Variants in NAALADL2 observed in about 807,000 individuals in gnomAD.
The protein encoded by NAALADL2 is inactive N-acetylated-alpha-linked acidic dipeptidase-like protein 2.
Under a neutral mutation model 87.2 loss-of-function variants are expected in NAALADL2, and 76 were observed. That is an observed-to-expected ratio of 0.87 (90% CI 0.72 to 1.05). The LOEUF is 1.05. NAALADL2 is among the 50% of genes least tolerant of loss of function. NAALADL2 has a pLI of 0.00. For synonymous variants in NAALADL2, 354 were observed against 331.0 expected (o/e 1.07, Z -0.75); for missense variants, 1,089 against 945.8 (o/e 1.15, Z -1.99).
intron 2 of NAALADL2, among the ~76,000 whole-genome samples, chr3:174,623,542 G>A (rs1188477216): frequency 6.6e-6 from 1 of 150,888 alleles, no homozygotes; most frequent in African/African-American, 2.4e-5. Flanking sequence ...AGGCTATTTA[G>A]AAATATTTTT....
chr3:175,142,219 CTG>C (rs1301835164), intron 2 of NAALADL2, among the ~76,000 whole-genome samples: 1 of 151,970 alleles, frequency 6.6e-6, no homozygotes, highest in Non-Finnish European at 1.5e-5. Flanking sequence ...GCATCTAAGT[CTG>C]AGAACTTTTC....
chr3:175,738,507 G>A (rs370512392), intron 12 of NAALADL2, among the ~76,000 whole-genome samples: 46 of 152,118 alleles, frequency 3.0e-4, no homozygotes, highest in East Asian at 1.6e-3. Context: ...TCGGCCTCCC[G>A]AAGTGCTGGA....
At chr3:174,566,061 C>T (rs928532680) in intron 2 of NAALADL2, among the ~76,000 whole-genome samples, 15 of 151,640 alleles carry the variant, frequency 9.9e-5, no homozygotes, top group Non-Finnish European at 1.5e-4. Flanking sequence ...TCTCCATCTT[C>T]TGTTTTGGAA....
intron 1 of NAALADL2, among the ~76,000 whole-genome samples, chr3:174,463,888 G>A (rs1716365435): frequency 6.6e-6 from 1 of 151,986 alleles, no homozygotes; most frequent in African/African-American, 2.4e-5. Flanking sequence ...GTGAGCCACC[G>A]GGCCCGGCCA....
intron 1 of NAALADL2, among the ~76,000 whole-genome samples, chr3:174,468,763 T>C (rs951557664): frequency 1.0e-4 from 14 of 134,076 alleles, no homozygotes; most frequent in African/African-American, 4.1e-4. Context: ...AACTATATTC[T>C]TTTTTTTTTT....
chr3:175,385,843 G>T (rs975212853), intron 5 of NAALADL2, among the ~76,000 whole-genome samples: 3 of 152,026 alleles, frequency 2.0e-5, no homozygotes, highest in Admixed American at 1.3e-4. Flanking sequence ...ATGCATGGGG[G>T]CATCACATAC....
chr3:175,630,424 G>T (rs778477240), intron 11 of NAALADL2, among the ~76,000 whole-genome samples: 1 of 151,184 alleles, frequency 6.6e-6, no homozygotes. Flanking sequence ...TGATGTATAC[G>T]TTTTCTCTAG....
chr3:175,175,041 G>A (rs191357317), intron 2 of NAALADL2, among the ~76,000 whole-genome samples: 73 of 151,796 alleles, frequency 4.8e-4, no homozygotes, highest in Admixed American at 3.0e-3. Context: ...TCTGTTTTTC[G>A]TTGTATCATT....
intron 7 of NAALADL2, among the ~76,000 whole-genome samples, chr3:175,465,908 C>G (rs1723946967): frequency 6.6e-6 from 1 of 152,136 alleles, no homozygotes; most frequent in Non-Finnish European, 1.5e-5. Context: ...TTTATTCCAC[C>G]CATGTGTAAG....
intron 9 of NAALADL2, among the ~76,000 whole-genome samples, chr3:175,536,858 T>C (rs2149458640): frequency 6.6e-6 from 1 of 152,248 alleles, no homozygotes; most frequent in African/African-American, 2.4e-5. Context: ...GGCGGGCGCC[T>C]GTAGTCCCAT....
intron 1 of NAALADL2, among the ~76,000 whole-genome samples, chr3:174,951,732 C>G (rs1223044384): frequency 6.6e-6 from 1 of 152,046 alleles, no homozygotes; most frequent in African/African-American, 2.4e-5. Flanking sequence ...TGCAATATGT[C>G]TAGCAAAATA....
intron 1 of NAALADL2, among the ~76,000 whole-genome samples, chr3:174,962,595 T>A (rs1742277500): frequency 6.7e-6 from 1 of 149,998 alleles, no homozygotes; most frequent in African/African-American, 2.5e-5. Context: ...GGTGAAGGAG[T>A]GGGATGCATT....
chr3:175,256,289 T>C (rs1414623791), intron 3 of NAALADL2, 122 bp from the exon 4 acceptor site: 1 of 903,620 alleles, frequency 1.1e-6, no homozygotes, highest in South Asian at 2.0e-5. Flanking sequence ...GGGTAAGAGA[T>C]AGAATTAATT....
intron 12 of NAALADL2, among the ~76,000 whole-genome samples, chr3:175,737,702 T>C (rs1744678409): frequency 6.8e-6 from 1 of 148,066 alleles, no homozygotes; most frequent in Non-Finnish European, 1.5e-5. Flanking sequence ...AATAATACAG[T>C]TCAATGATCC....
At chr3:174,738,489 G>C (rs186930411) in intron 3 of NAALADL2, among the ~76,000 whole-genome samples, 1 of 152,182 alleles carries the variant, frequency 6.6e-6, no homozygotes, top group Non-Finnish European at 1.5e-5. Flanking sequence ...GGCAAGTAAT[G>C]CAGATTTAGG....
At chr3:174,910,117 T>G (rs1396813632) in intron 1 of NAALADL2, among the ~76,000 whole-genome samples, 1 of 152,084 alleles carries the variant, frequency 6.6e-6, no homozygotes, top group African/African-American at 2.4e-5. Context: ...TGTAGTTGAT[T>G]TTTTAGAGAT....
chr3:174,997,552 C>G (rs530610309), intron 1 of NAALADL2, among the ~76,000 whole-genome samples: 1 of 152,052 alleles, frequency 6.6e-6, no homozygotes, highest in Non-Finnish European at 1.5e-5. Context: ...GGGCCGGGCA[C>G]GGTGGCTCAT....
chr3:174,882,746 T>C (rs115830342), intron 1 of NAALADL2, among the ~76,000 whole-genome samples: 1,792 of 139,694 alleles, frequency 0.013, 35 homozygotes, highest in African/African-American at 0.043. Flanking sequence ...TATGTGTATA[T>C]ACACACGTGT....
intron 1 of NAALADL2, among the ~76,000 whole-genome samples, chr3:175,036,176 C>A (rs1753381173): frequency 6.6e-6 from 1 of 152,038 alleles, no homozygotes; most frequent in African/African-American, 2.4e-5. Context: ...CAGCATTTTG[C>A]TTGTATGATT....
Sources: allele counts gnomAD v4.1 joint callset (sites outside exome capture counted in the v4.1 genomes callset), GRCh38; gene constraint gnomAD v4.1.1; transcripts MANE v1.5; gene names NCBI Gene and HGNC (gene_info 2026-07-23, HGNC 2026-07-21).